NUP210L: variants seen among roughly 807,000 people sequenced by gnomAD.
The protein encoded by NUP210L is nuclear pore membrane glycoprotein 210-like.
In NUP210L, 74 loss-of-function variants were observed where a neutral mutation model predicts 208.5. The observed-to-expected ratio is 0.35, with a 90% CI of 0.29 to 0.43. The LOEUF (loss-of-function observed/expected upper bound fraction) is 0.43, where lower values mean the gene tolerates loss of function less well. NUP210L is among the 20% of genes least tolerant of loss of function. The pLI is 1.00. For missense variants in NUP210L, 1,843 were observed against 2,289.4 expected, an observed-to-expected ratio of 0.81 and a Z score of 3.98; for synonymous variants, 780 against 816.9, an observed-to-expected ratio of 0.95 and a Z score of 0.77.
At position 154,040,731 on chromosome 1, in the gene NUP210L, C is replaced by T. The variant is rs190763098; in HGVS notation, c.3696+5338G>A. Among the ~76,000 whole-genome samples, 551 of 151,928 alleles carry T rather than the reference C, an allele frequency of 3.6e-3. 2 individuals are homozygous for T. The highest frequency in any genetic ancestry group is 5.6e-3 in the Non-Finnish European group (381 of 67,946). On this transcript the variant is annotated intron_variant, in intron 27 of 39. Transcript: ENST00000368559. ...CCTCCCAAGTAGCTGGGACTACAGG[C>T]GCCCGCCACCATTCCCGGCTAAATT...
At chr1:154,135,547 G>A (rs558582493) in intron 7 of NUP210L, among the ~76,000 whole-genome samples, 7 of 151,348 alleles carry the variant, frequency 4.6e-5, no homozygotes, top group South Asian at 2.1e-4. Flanking sequence ...TCAGCCTCCC[G>A]AGTAGCTGGG....
At chr1:154,146,296 A>G (rs1264592747) in intron 2 of NUP210L, among the ~76,000 whole-genome samples, 1 of 152,196 alleles carries the variant, frequency 6.6e-6, no homozygotes, top group East Asian at 1.9e-4. Flanking sequence ...TCATGAACCC[A>G]TACTGACATA....
intron 33 of NUP210L, among the ~76,000 whole-genome samples, chr1:154,017,590 C>T (rs1233038788): frequency 6.9e-6 from 1 of 144,998 alleles, no homozygotes; most frequent in Non-Finnish European, 1.5e-5. Flanking sequence ...GATCTTGGCT[C>T]ACTGCAACCT....
At chr1:154,109,512 C>G (rs1273853470) in intron 12 of NUP210L, among the ~76,000 whole-genome samples, 2 of 147,086 alleles carry the variant, frequency 1.4e-5, no homozygotes, top group African/African-American at 5.2e-5. Flanking sequence ...AAAGAAGCAT[C>G]AAACTTAGTC....
At chr1:154,008,310 T>G (rs1160455809) in intron 35 of NUP210L, among the ~76,000 whole-genome samples, 1 of 151,624 alleles carries the variant, frequency 6.6e-6, no homozygotes, top group Non-Finnish European at 1.5e-5. Flanking sequence ...CCCAGCACTT[T>G]GGGAGGCCGA....
rs1658426005 is a variant in NUP210L, at chr1:154,134,548, T to C, written c.1009+1266A>G. 2.0e-5 allele frequency among the ~76,000 whole-genome samples: 3 copies of C among 149,688 alleles called. No individual in the cohort carries two copies. The South Asian group carries it at 6.3e-4, about 32-fold the overall frequency. On this transcript the variant is annotated intron_variant, in intron 7 of 39. Transcript: ENST00000368559. The stretch of plus-strand genomic sequence containing the variant: ...GTCAGGAGATCGAGACCATCCTGGC[T>C]AACACAGTGAAACCCCGTCTCTACT...
chr1:154,077,660 G>GTAAT (rs1655111480), intron 16 of NUP210L, among the ~76,000 whole-genome samples: 1 of 152,166 alleles, frequency 6.6e-6, no homozygotes, highest in East Asian at 1.9e-4. Context: ...ATTTTCGGTT[G>GTAAT]TAATTATTCT....
At chr1:154,076,077 C>T (rs1044970552) in intron 16 of NUP210L, among the ~76,000 whole-genome samples, 1 of 151,598 alleles carries the variant, frequency 6.6e-6, no homozygotes, top group Non-Finnish European at 1.5e-5. Context: ...GTATGAGCCA[C>T]CATGCCTGGG....
chr1:154,107,752 G>A (rs1224459903), intron 12 of NUP210L, among the ~76,000 whole-genome samples: 2 of 152,044 alleles, frequency 1.3e-5, no homozygotes, highest in Non-Finnish European at 2.9e-5. Flanking sequence ...TATAATCCCA[G>A]CTACTTGGGA....
chr1:154,123,546 T>C (rs956832311), intron 10 of NUP210L, among the ~76,000 whole-genome samples: 2 of 152,218 alleles, frequency 1.3e-5, no homozygotes, highest in Non-Finnish European at 2.9e-5. Flanking sequence ...TTGCAACTTC[T>C]GGTAAATCTA....
intron 16 of NUP210L, among the ~76,000 whole-genome samples, chr1:154,086,426 G>C (rs1324301297): frequency 6.6e-6 from 1 of 152,030 alleles, no homozygotes; most frequent in Non-Finnish European, 1.5e-5. Flanking sequence ...GATTAGATAT[G>C]ACACCAAAAG....
chr1:154,041,796 G>A (rs1019049189), intron 27 of NUP210L, among the ~76,000 whole-genome samples: 2 of 152,076 alleles, frequency 1.3e-5, no homozygotes, highest in Admixed American at 1.3e-4. Context: ...GGCAAATATT[G>A]AAGTAGGCAT....
At chr1:154,117,763 G>C in exon 12 of NUP210L, 1 of 1,612,698 alleles carries the variant, frequency 6.2e-7, no homozygotes, top group Non-Finnish European at 8.5e-7. Flanking sequence ...TGTACATCTC[G>C]GGCCAAAACA....
intron 27 of NUP210L, among the ~76,000 whole-genome samples, chr1:154,038,228 G>A (rs1652668076): frequency 2.0e-5 from 3 of 151,862 alleles, no homozygotes; most frequent in South Asian, 4.2e-4. Context: ...TGCCTCCCAG[G>A]CTCAAGAGAT....
chr1:154,093,632 A>G (rs1656038353), intron 15 of NUP210L, among the ~76,000 whole-genome samples: 1 of 152,066 alleles, frequency 6.6e-6, no homozygotes, highest in Admixed American at 6.6e-5. Context: ...ATATAAAAAT[A>G]AATAAATAAA....
Position 154,058,235 on chromosome 1 carries a change from A to G in NUP210L, c.2980-19T>C, listed in dbSNP as rs773483027. 2 of 1,612,698 alleles carry G rather than the reference A, an allele frequency of 1.2e-6. No homozygotes were observed. The highest frequency in any genetic ancestry group is 2.2e-5 in the South Asian group (2 of 90,792). ...TTTCAACCTAGTAGTTAAAAAGAAA[A>G]AGATTTTAGCAAAGGTGTCTCATTC... On this transcript the variant is annotated intron_variant, in intron 21 of 39. Coordinates refer to ENST00000368559, the Ensembl canonical transcript of NUP210L.
At chr1:154,085,011 A>T (rs1409235684) in intron 16 of NUP210L, among the ~76,000 whole-genome samples, 1 of 143,958 alleles carries the variant, frequency 6.9e-6, no homozygotes, top group Non-Finnish European at 1.5e-5. Flanking sequence ...CGGCCTCCCA[A>T]AGTGCTGGGA....
In NUP210L at chr1:154,019,448, ATTTG is replaced by A. The variant is rs1247719339; in HGVS notation, c.4517-383_4517-380del. On this transcript the variant is annotated intron_variant, in intron 32 of 39. Coordinates refer to ENST00000368559, the Ensembl canonical transcript of NUP210L. ...AAAAGTGACCATGGCAAGAGAAAGG[ATTTG>A]TTTATTTTGGCTTAAGTCTAAAGAT... 4.6e-5 allele frequency among the ~76,000 whole-genome samples: 7 copies of A among 152,270 alleles called. 1 individual carries two copies. In the South Asian group the frequency reaches 1.2e-3, roughly 27 times the overall value.
At chr1:154,015,747 A>ACC (rs1397747233) in intron 33 of NUP210L, among the ~76,000 whole-genome samples, 2 of 150,578 alleles carry the variant, frequency 1.3e-5, no homozygotes, top group Non-Finnish European at 3.0e-5. Flanking sequence ...ACACACACAC[A>ACC]CACCCCACAG....
Sources: gnomAD v4.1 joint callset for allele counts (sites outside exome capture counted in the v4.1 genomes callset) on GRCh38, gnomAD v4.1.1 for gene constraint, MANE v1.5 for transcripts, NCBI Gene and HGNC (gene_info 2026-07-23, HGNC 2026-07-21) for gene names.